Variants in ACAP2 observed in about 807,000 individuals in gnomAD.
The protein encoded by ACAP2 is arf-GAP with coiled-coil, ANK repeat and PH domain-containing protein 2.
Under a neutral mutation model 115.8 loss-of-function variants are expected in ACAP2, and 39 were observed. The ratio of observed to expected loss-of-function variants is 0.34; its 90% CI spans 0.26 to 0.44. The LOEUF (loss-of-function observed/expected upper bound fraction) is 0.44, where lower values mean the gene tolerates loss of function less well. Among genes scored for constraint, ACAP2 ranks in the 20% least tolerant of loss-of-function variants. The pLI is 1.00. For synonymous variants in ACAP2, 289 were observed against 315.8 expected (o/e 0.92, Z 0.90); for missense variants, 662 against 927.6 (o/e 0.71, Z 3.72).
chr3:195,369,111 G>T (rs1293804253), intron 4 of ACAP2, among the ~76,000 whole-genome samples: 1 of 150,804 alleles, frequency 6.6e-6, no homozygotes, highest in African/African-American at 2.4e-5. Flanking sequence ...AAAAAAAAGA[G>T]GAAGAAATTA....
At chr3:195,414,059 A>G (rs1008767423) in intron 1 of ACAP2, among the ~76,000 whole-genome samples, 11 of 152,204 alleles carry the variant, frequency 7.2e-5, no homozygotes, top group African/African-American at 2.7e-4. Context: ...AATAGGTGAA[A>G]AGATACTCCA....
Position 195,279,266 on chromosome 3 carries a change from A to AT in ACAP2, c.*61dup, listed in dbSNP as rs1253629950. ...GAATTAAAGCAGTAAAAAAATTGTG[A>AT]TTTTTTAGCTGTATACATTAGGGGG... On this transcript the variant is annotated 3_prime_UTR_variant, in exon 23 of 23. Transcript: ENST00000326793. 1.7e-6 allele frequency: 2 copies of AT among 1,152,762 alleles called. No individual in the cohort carries two copies. The highest frequency in any genetic ancestry group is 1.2e-6 in the Non-Finnish European group (1 of 803,032). The allele number at this position is 1,152,762 out of a possible 1,614,324, so 71.4% of individuals were successfully genotyped here. A position where few individuals can be genotyped will look rare whatever the true frequency, so the allele number is the denominator to read the frequency against.
chr3:195,360,174 A>T (rs1160140651), intron 4 of ACAP2, among the ~76,000 whole-genome samples: 1 of 152,204 alleles, frequency 6.6e-6, no homozygotes, highest in Non-Finnish European at 1.5e-5. Context: ...AAATAAAGGA[A>T]TGGAAAAAGA....
At chr3:195,368,292 G>A (rs926455665) in intron 4 of ACAP2, among the ~76,000 whole-genome samples, 4 of 152,082 alleles carry the variant, frequency 2.6e-5, no homozygotes, top group Admixed American at 1.3e-4. Context: ...TGGGATTACC[G>A]GCATGCACCA....
At position 195,375,212 on chromosome 3, in the gene ACAP2, AAAAAT is replaced by A. The variant is rs759822642; in HGVS notation, c.285+5792_285+5796del. On this transcript the variant is annotated intron_variant, in intron 4 of 22. Coordinates refer to ENST00000326793, the MANE Select transcript of ACAP2 (RefSeq NM_012287.6). The stretch of plus-strand genomic sequence containing the variant: ...CTCAAAAAATAAAAAATAAATAAAT[AAAAAT>A]AAAATATCTGGACATGTTATACACA... 5.0e-4 allele frequency among the ~76,000 whole-genome samples: 76 copies of A among 152,182 alleles called. 4 individuals are homozygous for A. The East Asian group carries it at 6.2e-3, about 12-fold the overall frequency.
intron 18 of ACAP2, among the ~76,000 whole-genome samples, chr3:195,292,692 G>C (rs112487194): frequency 0.022 from 3,285 of 151,916 alleles, 115 homozygotes; most frequent in East Asian, 0.1. Context: ...GAGGCCGAGG[G>C]GGGTGGATCA....
chr3:195,299,222 G>T (rs1198158348), intron 15 of ACAP2, among the ~76,000 whole-genome samples: 1 of 152,076 alleles, frequency 6.6e-6, no homozygotes, highest in Admixed American at 6.6e-5. Context: ...ATAAGAAAAT[G>T]ATGGGAAAGG....
chr3:195,374,854 T>A (rs1237209001), intron 4 of ACAP2, among the ~76,000 whole-genome samples: 1 of 152,020 alleles, frequency 6.6e-6, no homozygotes, highest in African/African-American at 2.4e-5. Flanking sequence ...AAGACCTTTT[T>A]TTTTTTAAAG....
rs988023628 is a variant in ACAP2, at chr3:195,309,926, A to C, written c.858-1089T>G. Among the ~76,000 whole-genome samples the C allele has an allele frequency of 2.6e-5, 4 of 152,232 alleles. No individual in the cohort carries two copies. The South Asian group carries it at 8.3e-4, about 31-fold the overall frequency. ...AACAATAAAAGACCTAAAGGCATAAAAAAAATTCACAGCCAAAAGCCATTC... is the reference window on the plus strand; with the variant it reads ...AACAATAAAAGACCTAAAGGCATAACAAAAATTCACAGCCAAAAGCCATTC... On this transcript the variant is annotated intron_variant, in intron 10 of 22. Transcript: ENST00000326793.
chr3:195,425,264 G>A (rs1319839366), intron 1 of ACAP2, among the ~76,000 whole-genome samples: 3 of 152,018 alleles, frequency 2.0e-5, no homozygotes, highest in African/African-American at 7.2e-5. Context: ...TAACGATTCT[G>A]GACTGACTTA....
intron 1 of ACAP2, among the ~76,000 whole-genome samples, chr3:195,392,398 TTAA>T (rs1244277107): frequency 6.6e-6 from 1 of 152,222 alleles, no homozygotes; most frequent in East Asian, 1.9e-4. Flanking sequence ...ATCATTCCAA[TTAA>T]TAACACAAAA....
chr3:195,355,984 C>T (rs1022396070), intron 4 of ACAP2: 6 of 398,272 alleles, frequency 1.5e-5, no homozygotes, highest in Non-Finnish European at 3.1e-5. Flanking sequence ...CGATTGTCCT[C>T]CCTGCAGGAA....
chr3:195,370,859 G>C (rs2108726962), intron 4 of ACAP2, among the ~76,000 whole-genome samples: 1 of 151,940 alleles, frequency 6.6e-6, no homozygotes, highest in Non-Finnish European at 1.5e-5. Context: ...GGCTGAGGCA[G>C]GAGAATCACT....
At chr3:195,416,136 A>C (rs998134349) in intron 1 of ACAP2, among the ~76,000 whole-genome samples, 1 of 152,130 alleles carries the variant, frequency 6.6e-6, no homozygotes, top group Non-Finnish European at 1.5e-5. Flanking sequence ...TCATGAGGTA[A>C]GGAGTTCGAG....
At chr3:195,387,331 T>C (rs1243589379) in intron 2 of ACAP2, among the ~76,000 whole-genome samples, 5 of 152,242 alleles carry the variant, frequency 3.3e-5, no homozygotes, top group Non-Finnish European at 5.9e-5. Context: ...TACTATGTCA[T>C]AGACACTCTG....
chr3:195,343,906 G>A (rs934139904), intron 5 of ACAP2, among the ~76,000 whole-genome samples: 3 of 152,190 alleles, frequency 2.0e-5, no homozygotes, highest in African/African-American at 7.2e-5. Flanking sequence ...GACATTCTGA[G>A]TGTTCATCAC....
intron 1 of ACAP2, among the ~76,000 whole-genome samples, chr3:195,399,884 A>G (rs1712124426): frequency 6.6e-6 from 1 of 152,186 alleles, no homozygotes; most frequent in African/African-American, 2.4e-5. Context: ...TTAAAATATT[A>G]TCCAGATAAT....
intron 1 of ACAP2, among the ~76,000 whole-genome samples, chr3:195,412,341 A>G (rs1435730738): frequency 2.0e-5 from 3 of 151,696 alleles, no homozygotes; most frequent in African/African-American, 4.8e-5. Context: ...CAGCACTTTC[A>G]GAGGCCAAGG....
chr3:195,393,470 T>A (rs1157331565), intron 1 of ACAP2, among the ~76,000 whole-genome samples: 1 of 152,186 alleles, frequency 6.6e-6, no homozygotes, highest in Non-Finnish European at 1.5e-5. Flanking sequence ...AATTATTCAG[T>A]AAAGAAATGC....
Sources: allele counts gnomAD v4.1 joint callset (sites outside exome capture counted in the v4.1 genomes callset), GRCh38; gene constraint gnomAD v4.1.1; transcripts MANE v1.5; gene names NCBI Gene and HGNC (gene_info 2026-07-23, HGNC 2026-07-21).